The following COL25A1 variants were observed in gnomAD, a reference collection of about 807,000 sequenced individuals.
COL25A1 encodes collagen alpha-1(XXV) chain.
COL25A1 carries 103 observed loss-of-function variants against 128.4 expected under a neutral mutation model. That is an observed-to-expected ratio of 0.80 (90% CI 0.68 to 0.94). The LOEUF (loss-of-function observed/expected upper bound fraction) is 0.94. Ranked by LOEUF, COL25A1 falls within the 40% of genes least tolerant of loss-of-function variation. COL25A1 has a pLI of 0.00. For missense variants in COL25A1, 745 were observed against 840.0 expected (o/e 0.89, Z 1.40); for synonymous variants, 279 against 277.2 (o/e 1.01, Z -0.06).
intron 6 of COL25A1, among the ~76,000 whole-genome samples, chr4:108,992,898 C>T (rs967746038): frequency 6.6e-6 from 1 of 151,868 alleles, no homozygotes; most frequent in Non-Finnish European, 1.5e-5. Context: ...TTCTGAGTCT[C>T]AAGTCAAGGC....
intron 3 of COL25A1, among the ~76,000 whole-genome samples, chr4:109,203,194 C>A (rs1363442061): frequency 6.6e-6 from 1 of 151,906 alleles, no homozygotes; most frequent in African/African-American, 2.4e-5. Context: ...AAACAGGATG[C>A]ATATGAGGGA....
intron 31 of COL25A1, among the ~76,000 whole-genome samples, chr4:108,839,971 G>A (rs532788368): frequency 2.6e-5 from 4 of 152,214 alleles, no homozygotes; most frequent in African/African-American, 9.6e-5. Context: ...GCCGGGCGCA[G>A]TGGCTCATGC....
intron 6 of COL25A1, among the ~76,000 whole-genome samples, chr4:108,975,431 G>A (rs1425693100): frequency 6.6e-6 from 1 of 152,202 alleles, no homozygotes; most frequent in Non-Finnish European, 1.5e-5. Flanking sequence ...ACTCCAGCCT[G>A]GACAACAGAG....
intron 6 of COL25A1, among the ~76,000 whole-genome samples, chr4:108,980,538 A>G (rs1475302490): frequency 6.6e-6 from 1 of 152,192 alleles, no homozygotes; most frequent in African/African-American, 2.4e-5. Context: ...TTTCAAATCC[A>G]CAGTGTTGGC....
At chr4:108,841,842 T>C in intron 30 of COL25A1, 121 bp from the exon 31 acceptor site, 1 of 811,946 alleles carries the variant, frequency 1.2e-6, no homozygotes, top group Non-Finnish European at 2.1e-6. Context: ...GAGCTATAGG[T>C]AGAGGCAGGC....
chr4:109,284,383 C>T (rs1018836446), intron 3 of COL25A1, among the ~76,000 whole-genome samples: 2 of 152,268 alleles, frequency 1.3e-5, no homozygotes, highest in Admixed American at 1.3e-4. Context: ...CAAGATCGCA[C>T]CAGTGTACTC....
At chr4:109,223,164 G>C (rs1778541937) in intron 3 of COL25A1, among the ~76,000 whole-genome samples, 1 of 152,040 alleles carries the variant, frequency 6.6e-6, no homozygotes, top group Admixed American at 6.5e-5. Flanking sequence ...GTAATTTCCT[G>C]GCATTTAGAG....
At chr4:108,891,074 G>T (rs1269283519) in intron 16 of COL25A1, among the ~76,000 whole-genome samples, 1 of 152,092 alleles carries the variant, frequency 6.6e-6, no homozygotes, top group African/African-American at 2.4e-5. Context: ...GCAGATTCTG[G>T]ATCTATTTTT....
At chr4:108,859,584 A>T in intron 24 of COL25A1, 72 bp downstream of exon 24, 2 of 1,298,304 alleles carry the variant, frequency 1.5e-6, no homozygotes, top group Non-Finnish European at 1.1e-6. Context: ...GGAAGCTCAT[A>T]TTTGCACACA....
intron 3 of COL25A1, among the ~76,000 whole-genome samples, chr4:109,131,490 T>C (rs755266579): frequency 1.3e-5 from 2 of 152,214 alleles, no homozygotes; most frequent in African/African-American, 2.4e-5. Flanking sequence ...TGGTAGGATA[T>C]GTATTTTGTT....
At chr4:108,962,784 C>G (rs1484287291) in intron 8 of COL25A1, among the ~76,000 whole-genome samples, 2 of 152,050 alleles carry the variant, frequency 1.3e-5, no homozygotes, top group African/African-American at 2.4e-5. Flanking sequence ...GCTAATAAAA[C>G]CCACTAGTGA....
intron 3 of COL25A1, among the ~76,000 whole-genome samples, chr4:109,238,982 C>T (rs1022921537): frequency 6.6e-6 from 1 of 151,874 alleles, no homozygotes; most frequent in East Asian, 1.9e-4. Flanking sequence ...GTCATCAACC[C>T]GAGGGGAACC....
intron 11 of COL25A1, among the ~76,000 whole-genome samples, chr4:108,933,463 C>T (rs905464819): frequency 6.6e-6 from 1 of 152,054 alleles, no homozygotes; most frequent in African/African-American, 2.4e-5. Context: ...GAGAAGAAAG[C>T]TAAAACAACA....
chr4:109,223,291 A>C (rs1267602850), intron 3 of COL25A1, among the ~76,000 whole-genome samples: 3 of 152,102 alleles, frequency 2.0e-5, no homozygotes, highest in African/African-American at 7.2e-5. Flanking sequence ...CAATTCTAAC[A>C]CGTCTATTGT....
intron 10 of COL25A1, among the ~76,000 whole-genome samples, chr4:108,938,529 G>A (rs1232837129): frequency 6.6e-6 from 1 of 152,150 alleles, no homozygotes. Flanking sequence ...GATGTGCTAT[G>A]ACGGCGTCTG....
chr4:109,026,607 CAT>C (rs1345336987), intron 5 of COL25A1, among the ~76,000 whole-genome samples: 4 of 152,178 alleles, frequency 2.6e-5, no homozygotes, highest in East Asian at 1.9e-4. Flanking sequence ...CAGTGGAAAA[CAT>C]GTGTGCCGAC....
chr4:108,838,588 G>A (rs998284184), intron 31 of COL25A1, among the ~76,000 whole-genome samples: 3 of 152,178 alleles, frequency 2.0e-5, no homozygotes, highest in African/African-American at 7.2e-5. Flanking sequence ...GCAGGACAGG[G>A]TTATAGACAG....
chr4:108,850,517 A>T (rs1271887309), intron 26 of COL25A1, among the ~76,000 whole-genome samples: 1 of 152,092 alleles, frequency 6.6e-6, no homozygotes, highest in Admixed American at 6.6e-5. Flanking sequence ...CAAGGGTAGG[A>T]GGTAAGCGAG....
chr4:108,952,774 C>G (rs1749598399), intron 8 of COL25A1, among the ~76,000 whole-genome samples: 1 of 150,146 alleles, frequency 6.7e-6, no homozygotes, highest in South Asian at 2.1e-4. Context: ...GCTGACAGAG[C>G]ACCTGACACT....
Sources: allele counts gnomAD v4.1 joint callset (sites outside exome capture counted in the v4.1 genomes callset), GRCh38; gene constraint gnomAD v4.1.1; transcripts MANE v1.5; gene names NCBI Gene and HGNC (gene_info 2026-07-23, HGNC 2026-07-21).